The following ZNF215 variants were observed in gnomAD, a reference collection of about 807,000 sequenced individuals.
The protein encoded by ZNF215 is BWSCR2-associated zinc finger protein 2.
Under a neutral mutation model 27.2 loss-of-function variants are expected in ZNF215, and 24 were observed. The ratio of observed to expected loss-of-function variants is 0.88; its 90% CI spans 0.64 to 1.24. ZNF215 has a LOEUF of 1.24. Among genes scored for constraint, ZNF215 ranks in the 50% most tolerant of loss-of-function variants. The probability of loss-of-function intolerance (pLI) is 0.00; values close to 1 mark genes in which losing one functional copy is unlikely to be tolerated. For synonymous variants in ZNF215, 210 were observed against 204.0 expected (o/e 1.03, Z -0.25); for missense variants, 675 against 605.7 (o/e 1.11, Z -1.20).
At position 6,956,339 on chromosome 11, in the gene ZNF215, A is replaced by T. The variant is rs1460267404; in HGVS notation, c.1362A>T (p.Thr454=). The change falls in exon 7 of 7, where the codon ACA becomes ACT. Residue 454 remains threonine, a synonymous_variant. Coordinates refer to ENST00000278319, the MANE Select transcript of ZNF215 (RefSeq NM_013250.4). ...AAAGTGAAGACAGTAATAATCCAACACTCCATTTTGGAAACAATTTCTATC... is the reference window on the plus strand; with the variant it reads ...AAAGTGAAGACAGTAATAATCCAACTCTCCATTTTGGAAACAATTTCTATC... ...FSKSEDSNNP[T]LHFGNNFYQC... 1 of 1,613,964 alleles carries T rather than the reference A, an allele frequency of 6.2e-7. No homozygotes were observed. Among genetic ancestry groups the T allele is most frequent in the African/African-American group, 1.3e-5 (1 of 74,984 alleles).
At chr11:6,979,797 C>G (rs986373035) in intron 5 of ZNF215, among the ~76,000 whole-genome samples, 2 of 151,922 alleles carry the variant, frequency 1.3e-5, no homozygotes, top group African/African-American at 4.8e-5. Flanking sequence ...AAAGTATTGA[C>G]TAAGAAAATA....
At position 6,938,199 on chromosome 11, in the gene ZNF215, C is replaced by T. The variant is rs375926597; in HGVS notation, c.401-3372C>T. Reference sequence around the variant, plus strand: ...ACAAAGGACTTGAATAGATATTTCTCCAAAGAAGATATACAAATGGCCAAA... The same window carrying T: ...ACAAAGGACTTGAATAGATATTTCTTCAAAGAAGATATACAAATGGCCAAA... On this transcript the variant is annotated intron_variant, in intron 3 of 6. Transcript: ENST00000278319. Among the ~76,000 whole-genome samples the T allele has an allele frequency of 1.8e-4, 28 of 151,958 alleles. 1 individual carries two copies. The South Asian group carries it at 5.2e-3, about 28-fold the overall frequency.
Position 6,968,044 on chromosome 11 carries a change from C to G in ZNF215, c.805+12262C>G, listed in dbSNP as rs139732462. Among the ~76,000 whole-genome samples, 99 of 152,308 alleles carry G rather than the reference C, an allele frequency of 6.5e-4. 4 individuals carry two copies. The East Asian group carries it at 0.019, about 28-fold the overall frequency. Reference sequence around the variant, plus strand: ...CAACACCATTTATTAAATAGGGAATCCTTTCCCCATTACTTGTTTTTATCA... The same window carrying G: ...CAACACCATTTATTAAATAGGGAATGCTTTCCCCATTACTTGTTTTTATCA... On this transcript the variant is annotated intron_variant, in intron 5 of 5. Transcript: ENST00000529903.
intron 1 of ZNF215, chr11:6,926,898 A>C (rs1019600829): frequency 4.3e-5 from 6 of 140,150 alleles, no homozygotes; most frequent in Admixed American, 3.9e-4. Context: ...GCGCGAGCTG[A>C]CGGGAGGGAT....
At chr11:6,945,040 G>C (rs1849768118) in intron 6 of ZNF215, among the ~76,000 whole-genome samples, 1 of 152,036 alleles carries the variant, frequency 6.6e-6, no homozygotes, top group South Asian at 2.1e-4. Flanking sequence ...ACATTAAAGA[G>C]TATAAATATT....
chr11:6,950,212 G>GC (rs550078230), intron 6 of ZNF215, among the ~76,000 whole-genome samples: 5,372 of 120,724 alleles, frequency 0.044, 222 homozygotes, highest in Middle Eastern at 0.058. Flanking sequence ...ACTTGGCGAT[G>GC]GGGCTCTTTT....
intron 5 of ZNF215, among the ~76,000 whole-genome samples, chr11:6,977,154 C>G (rs969031046): frequency 6.6e-6 from 1 of 152,034 alleles, no homozygotes; most frequent in Non-Finnish European, 1.5e-5. Flanking sequence ...AGTAGTCCCC[C>G]CTTTTCCATG....
chr11:6,948,393 G>A (rs74755496), intron 6 of ZNF215, among the ~76,000 whole-genome samples: 6,332 of 152,186 alleles, frequency 0.042, 441 homozygotes, highest in African/African-American at 0.15. Flanking sequence ...CACTGGTGAG[G>A]CGGAGACAGG....
rs1490794300 is a variant in ZNF215 at position 6,943,537 on chromosome 11, C to A, written c.617-9C>A. Reference sequence around the variant, plus strand: ...TTGTTGTTGTTCTTTTTATTTTCTCCATGAACAGCACATCTACTTTCCAAA... The same window carrying A: ...TTGTTGTTGTTCTTTTTATTTTCTCAATGAACAGCACATCTACTTTCCAAA... On this transcript the variant is annotated splice_polypyrimidine_tract_variant and intron_variant, in intron 5 of 6. Coordinates refer to ENST00000278319, the MANE Select transcript of ZNF215 (RefSeq NM_013250.4). 1.9e-6 allele frequency: 3 copies of A among 1,608,552 alleles called. No individual in the cohort carries two copies. In the Admixed American group the frequency reaches 5.1e-5, roughly 27 times the overall value.
At chr11:6,963,699 G>C (rs1850562071) in intron 5 of ZNF215, among the ~76,000 whole-genome samples, 1 of 152,050 alleles carries the variant, frequency 6.6e-6, no homozygotes, top group Non-Finnish European at 1.5e-5. Flanking sequence ...ATCTTGATAA[G>C]AAACTGTCAA....
At chr11:6,975,671 G>A (rs1850819365) in intron 5 of ZNF215, among the ~76,000 whole-genome samples, 1 of 152,020 alleles carries the variant, frequency 6.6e-6, no homozygotes, top group African/African-American at 2.4e-5. Context: ...TGTTGCAAAT[G>A]ACTGGATCTC....
chr11:6,980,267 A>C (rs562199564), intron 5 of ZNF215, among the ~76,000 whole-genome samples: 144 of 151,990 alleles, frequency 9.5e-4, no homozygotes, highest in African/African-American at 3.2e-3. Flanking sequence ...AAATTATATA[A>C]AAATTAAAAT....
At chr11:6,935,835 G>C (rs1470891934) in intron 3 of ZNF215, among the ~76,000 whole-genome samples, 10 of 152,092 alleles carry the variant, frequency 6.6e-5, no homozygotes, top group Non-Finnish European at 1.5e-5. Context: ...CATTTAAGTA[G>C]ATTGACATCT....
chr11:6,928,464 C>T (rs950755013), intron 2 of ZNF215, among the ~76,000 whole-genome samples: 2 of 152,068 alleles, frequency 1.3e-5, no homozygotes, highest in African/African-American at 2.4e-5. Context: ...CATTTAGTTT[C>T]CTCTAATGTA....
chr11:6,944,813 C>T (rs185745055), intron 6 of ZNF215, among the ~76,000 whole-genome samples: 4 of 151,974 alleles, frequency 2.6e-5, no homozygotes, highest in Admixed American at 6.6e-5. Flanking sequence ...ATCAGGAATA[C>T]GTCATTTTAT....
chr11:6,960,951 G>A (rs1374390810), downstream of ZNF215, among the ~76,000 whole-genome samples: 2 of 152,074 alleles, frequency 1.3e-5, no homozygotes, highest in African/African-American at 4.8e-5. Context: ...TTTGTTATTA[G>A]CTGTAGGTCA....
intron 6 of ZNF215, among the ~76,000 whole-genome samples, chr11:6,946,770 G>A (rs746721148): frequency 3.9e-5 from 6 of 152,032 alleles, no homozygotes; most frequent in Non-Finnish European, 8.8e-5. Flanking sequence ...CCCACATTAG[G>A]CTGTATGTTC....
At chr11:6,943,473 T>C (rs1399146524) in intron 5 of ZNF215, 73 bp from the exon 6 acceptor site, 8 of 1,390,520 alleles carry the variant, frequency 5.8e-6, no homozygotes, top group Non-Finnish European at 8.1e-6. Context: ...GATAGAATTA[T>C]CTTCTCTATA....
At chr11:6,977,709 G>T (rs1308024732) in intron 5 of ZNF215, among the ~76,000 whole-genome samples, 1 of 151,934 alleles carries the variant, frequency 6.6e-6, no homozygotes, top group Non-Finnish European at 1.5e-5. Context: ...TGGAATTTTA[G>T]CTTCCACAAT....
Sources: gnomAD v4.1 joint callset for allele counts (sites outside exome capture counted in the v4.1 genomes callset) on GRCh38, gnomAD v4.1.1 for gene constraint, MANE v1.5 for transcripts, NCBI Gene and HGNC (gene_info 2026-07-23, HGNC 2026-07-21) for gene names.